AOAH: variants seen among roughly 807,000 people sequenced by gnomAD.
AOAH encodes the protein acyloxyacyl hydrolase (neutrophil).
A neutral mutation model predicts 92.2 loss-of-function variants in AOAH; 64 were observed. The observed-to-expected ratio is 0.69, with a 90% CI of 0.57 to 0.86. AOAH has a LOEUF of 0.86. Ranked by LOEUF, AOAH falls within the 40% of genes least tolerant of loss-of-function variation. AOAH has a pLI of 0.00. For synonymous variants in AOAH, 263 were observed against 254.5 expected (o/e 1.03, Z -0.32); for missense variants, 656 against 694.6 (o/e 0.94, Z 0.62).
At chr7:36,560,913 C>A (rs1787212047) in intron 13 of AOAH, among the ~76,000 whole-genome samples, 1 of 152,214 alleles carries the variant, frequency 6.6e-6, no homozygotes, top group African/African-American at 2.4e-5. Flanking sequence ...CCTTTACCTA[C>A]TCCATCCATT....
intron 11 of AOAH, among the ~76,000 whole-genome samples, chr7:36,611,148 T>C (rs914084798): frequency 6.6e-6 from 1 of 152,110 alleles, no homozygotes; most frequent in Admixed American, 6.5e-5. Flanking sequence ...AGGCTGAGAG[T>C]GGCTGGGCCA....
At chr7:36,637,481 A>G (rs1793599468) in intron 5 of AOAH, among the ~76,000 whole-genome samples, 1 of 151,892 alleles carries the variant, frequency 6.6e-6, no homozygotes, top group African/African-American at 2.4e-5. Context: ...CTTCCAGGGG[A>G]CATTTGGCAA....
At position 36,686,705 on chromosome 7, in the gene AOAH, G is replaced by A; in HGVS notation, c.217C>T (p.Leu73=). 1.3e-6 allele frequency: 2 copies of A among 1,528,874 alleles called. No homozygotes were observed. Among genetic ancestry groups the A allele is most frequent in the African/African-American group, 1.4e-5 (1 of 71,300 alleles). The allele number at this position is 1,528,874 out of a possible 1,614,324, so 94.7% of individuals were successfully genotyped here. A position where few individuals can be genotyped will look rare whatever the true frequency, so the allele number is the denominator to read the frequency against. ...QASMERLCSY[L]PEKLFLKTTC... is the part of the protein sequence containing the mutation. ...TGACTCGTCCCATATTTACCAGGCA[G>A]GTAGCTGCACAGTCTCTCCATCGAG... The change falls in exon 2 of 21, where the codon CTG becomes TTG. Residue 73 remains leucine, a synonymous_variant. Coordinates refer to ENST00000617537, the MANE Select transcript of AOAH (RefSeq NM_001637.4).
chr7:36,717,017 T>TAAAA (rs1554327419), intron 1 of AOAH, among the ~76,000 whole-genome samples: 7 of 123,516 alleles, frequency 5.7e-5, no homozygotes, highest in East Asian at 2.4e-4. Context: ...AATAAATAAA[T>TAAAA]AAAAAAGCAT....
chr7:36,517,288 CTTT>C, intron 20 of AOAH, among the ~76,000 whole-genome samples: 7 of 127,994 alleles, frequency 5.5e-5, no homozygotes, highest in East Asian at 4.7e-4. Context: ...TTCTTTCTTT[CTTT>C]CTTTCCTTTC....
chr7:36,518,105 A>G (rs1334196933), intron 20 of AOAH, among the ~76,000 whole-genome samples: 3 of 152,128 alleles, frequency 2.0e-5, no homozygotes, highest in East Asian at 3.8e-4. Flanking sequence ...CAGTTGAATC[A>G]TTGCTCCTAT....
chr7:36,540,603 G>C, intron 15 of AOAH, 112 bp from the exon 16 acceptor site: 4 of 957,714 alleles, frequency 4.2e-6, no homozygotes, highest in Non-Finnish European at 6.2e-6. Context: ...CACACACACA[G>C]TGTGGTGGTC....
intron 13 of AOAH, among the ~76,000 whole-genome samples, chr7:36,574,780 G>T (rs1788368028): frequency 1.3e-5 from 2 of 152,112 alleles, no homozygotes; most frequent in South Asian, 2.1e-4. Flanking sequence ...GGAAAAAAAT[G>T]AAAGCGATCA....
chr7:36,561,353 G>T (rs1331712150), intron 13 of AOAH, among the ~76,000 whole-genome samples: 1 of 152,084 alleles, frequency 6.6e-6, no homozygotes, highest in Non-Finnish European at 1.5e-5. Flanking sequence ...ACAATTTTAA[G>T]AGATTAGTGA....
intron 13 of AOAH, among the ~76,000 whole-genome samples, chr7:36,561,990 G>C (rs1465305295): frequency 6.6e-6 from 1 of 152,188 alleles, no homozygotes; most frequent in Non-Finnish European, 1.5e-5. Flanking sequence ...GTGAGGACTT[G>C]TCTGTTCTTC....
intron 4 of AOAH, among the ~76,000 whole-genome samples, chr7:36,653,962 C>CA (rs2073124773): frequency 6.6e-6 from 1 of 152,014 alleles, no homozygotes; most frequent in Non-Finnish European, 1.5e-5. Flanking sequence ...CATTCTGATC[C>CA]AAAAAATAGA....
intron 1 of AOAH, among the ~76,000 whole-genome samples, chr7:36,699,755 C>A (rs1797925478): frequency 6.6e-6 from 1 of 151,312 alleles, no homozygotes; most frequent in Non-Finnish European, 1.5e-5. Context: ...TATGGCCTCA[C>A]TTTGTTTATT....
At chr7:36,521,159 C>A (rs1784088327) in intron 20 of AOAH, among the ~76,000 whole-genome samples, 1 of 152,084 alleles carries the variant, frequency 6.6e-6, no homozygotes, top group Non-Finnish European at 1.5e-5. Flanking sequence ...AAGCGAGCAT[C>A]CCCCAGGCAT....
At chr7:36,520,208 A>G (rs781634215) in intron 20 of AOAH, among the ~76,000 whole-genome samples, 4 of 152,254 alleles carry the variant, frequency 2.6e-5, no homozygotes, top group Non-Finnish European at 5.9e-5. Flanking sequence ...AGATCATTTT[A>G]AGAGTCAGGG....
At chr7:36,563,897 G>A (rs1299645312) in intron 13 of AOAH, among the ~76,000 whole-genome samples, 1 of 152,098 alleles carries the variant, frequency 6.6e-6, no homozygotes, top group Non-Finnish European at 1.5e-5. Flanking sequence ...AAAATAGTAG[G>A]CACTTAACAA....
chr7:36,548,697 A>C lies in AOAH; in HGVS notation c.1059-11T>G, dbSNP rs1785974252. ...TTGTTTCTAGACAAGCTGAGAAGGCATAGATGGAATCTGAATGTCAGATAC... is the reference window on the plus strand; with the variant it reads ...TTGTTTCTAGACAAGCTGAGAAGGCCTAGATGGAATCTGAATGTCAGATAC... On this transcript the variant is annotated splice_polypyrimidine_tract_variant and intron_variant, in intron 14 of 20. Coordinates refer to ENST00000617537, the MANE Select transcript of AOAH (RefSeq NM_001637.4). 2 of 1,610,838 alleles carry C rather than the reference A, an allele frequency of 1.2e-6. No individual in the cohort carries two copies. Among genetic ancestry groups the C allele is most frequent in the Non-Finnish European group, 1.7e-6 (2 of 1,177,168 alleles).
At chr7:36,520,386 GA>G (rs1784048006) in intron 20 of AOAH, among the ~76,000 whole-genome samples, 1 of 152,202 alleles carries the variant, frequency 6.6e-6, no homozygotes, top group Non-Finnish European at 1.5e-5. Context: ...TGCAGAGAAT[GA>G]TAAGAACTAG....
chr7:36,714,633 T>A (rs904810443), intron 1 of AOAH, among the ~76,000 whole-genome samples: 12 of 152,202 alleles, frequency 7.9e-5, no homozygotes, highest in Admixed American at 3.3e-4. Context: ...TCCACCATGA[T>A]CAAGTGGGCT....
chr7:36,545,249 T>C lies in AOAH; in HGVS notation c.1133+3363A>G, dbSNP rs182522072. ...GAGGACTTCCATATTACCCCATGCA[T>C]AGAGATACATTAAACATCCCTTAAA... is the stretch of plus-strand genomic sequence containing the variant. On this transcript the variant is annotated intron_variant, in intron 15 of 20. Transcript: ENST00000617537. Among the ~76,000 whole-genome samples the C allele has an allele frequency of 4.6e-5, 7 of 152,178 alleles. No homozygotes were observed. In the East Asian group the frequency reaches 1.2e-3, roughly 25 times the overall value.
Sources: allele counts gnomAD v4.1 joint callset (sites outside exome capture counted in the v4.1 genomes callset), GRCh38; gene constraint gnomAD v4.1.1; transcripts MANE v1.5; gene names NCBI Gene and HGNC (gene_info 2026-07-23, HGNC 2026-07-21).